Variants in COX14 observed in about 807,000 individuals in gnomAD.
COX14 encodes the protein cytochrome c oxidase assembly factor COX14, also known as cytochrome c oxidase assembly protein COX14.
A neutral mutation model predicts 5.8 loss-of-function variants in COX14; 3 were observed. The observed-to-expected ratio is 0.51, with a 90% CI of 0.23 to 1.33. The LOEUF (loss-of-function observed/expected upper bound fraction) is 1.33. Among genes scored for constraint, COX14 ranks in the 40% most tolerant of loss-of-function variants. The probability of loss-of-function intolerance (pLI) is 0.18; values close to 1 mark genes in which losing one functional copy is unlikely to be tolerated. For missense variants in COX14, 72 were observed against 72.1 expected, an observed-to-expected ratio of 1.00 and a Z score of 0.01; for synonymous variants, 25 against 26.1, an observed-to-expected ratio of 0.96 and a Z score of 0.13.
At chr12:50,112,404 A>C in intron 1 of COX14, 103 bp downstream of exon 1, 1 of 985,708 alleles carries the variant, frequency 1.0e-6, no homozygotes, top group Non-Finnish European at 1.2e-6. Context: ...CCTAGTCTGC[A>C]GGCCTGGTGC....
At chr12:50,112,392 C>T (rs1951033215) in intron 1 of COX14, 91 bp downstream of exon 1, 5 of 985,662 alleles carry the variant, frequency 5.1e-6, no homozygotes, top group South Asian at 9.4e-5. Flanking sequence ...GTCCTCCCAT[C>T]CCCTAGTCTG....
At chr12:50,113,365 G>A (rs1223185247) in intron 1 of COX14, among the ~76,000 whole-genome samples, 1 of 150,812 alleles carries the variant, frequency 6.6e-6, no homozygotes, top group African/African-American at 2.4e-5. Context: ...GTCCCGTGGC[G>A]GGATCTCGGC....
At chr12:50,117,397 C>T (rs560421361) in intron 1 of COX14, among the ~76,000 whole-genome samples, 3 of 152,088 alleles carry the variant, frequency 2.0e-5, no homozygotes, top group South Asian at 2.1e-4. Context: ...TTTTAAGTGT[C>T]TCTGCCTACA....
chr12:50,116,053 A>C (rs979643501), intron 1 of COX14, among the ~76,000 whole-genome samples: 1 of 149,548 alleles, frequency 6.7e-6, no homozygotes, highest in African/African-American at 2.5e-5. Flanking sequence ...TGTTCTTTCC[A>C]CTTCTACTGC....
chr12:50,117,585 T>G (rs1951091952), intron 1 of COX14, among the ~76,000 whole-genome samples: 1 of 150,058 alleles, frequency 6.7e-6, no homozygotes, highest in Non-Finnish European at 1.5e-5. Flanking sequence ...CTGTCTCTTT[T>G]TTTTTTTTTT....
chr12:50,112,936 A>ATGTTATGTTATGTT (rs1375972163), intron 1 of COX14: 1 of 151,684 alleles, frequency 6.6e-6, no homozygotes, highest in South Asian at 2.1e-4. Flanking sequence ...ATGTTATGTT[A>ATGTTATGTTATGTT]TGTTATGTTA....
At chr12:50,112,572 C>A in intron 1 of COX14, 2 of 676,896 alleles carry the variant, frequency 3.0e-6, no homozygotes, top group Non-Finnish European at 3.7e-6. Context: ...CTCCACGCTC[C>A]AACTCTGCCT....
chr12:50,116,518 A>G (rs536855751), intron 1 of COX14, among the ~76,000 whole-genome samples: 1 of 152,330 alleles, frequency 6.6e-6, no homozygotes, highest in Admixed American at 6.5e-5. Flanking sequence ...TTTCTAGCCA[A>G]GCTGTACCAT....
Position 50,120,262 on chromosome 12 carries a change from T to C in COX14, c.*45T>C, listed in dbSNP as rs762846506. On this transcript the variant is annotated 3_prime_UTR_variant, in exon 2 of 2. Coordinates refer to ENST00000550487, the MANE Select transcript of COX14 (RefSeq NM_032901.4). ...CTGAGCAGAGAGGCCCAAGGCATGC[T>C]GTGGAGAGACTTCACCTGCCACCAT... 6.5e-7 allele frequency: 1 copy of C among 1,536,698 alleles called. No individual in the cohort carries two copies. Among genetic ancestry groups the C allele is most frequent in the Non-Finnish European group, 8.9e-7 (1 of 1,123,750 alleles).
At chr12:50,115,857 C>A (rs1951076795) in intron 1 of COX14, among the ~76,000 whole-genome samples, 1 of 151,992 alleles carries the variant, frequency 6.6e-6, no homozygotes, top group Middle Eastern at 3.2e-3. Context: ...GCCACGTGAT[C>A]TTCTTGATGG....
intron 1 of COX14, among the ~76,000 whole-genome samples, chr12:50,116,420 G>A (rs1224571466): frequency 2.0e-5 from 3 of 152,206 alleles, no homozygotes; most frequent in Non-Finnish European, 4.4e-5. Flanking sequence ...TTGGATATTA[G>A]GGAAAACCAC....
chr12:50,117,011 A>AT (rs1342508530), intron 1 of COX14, among the ~76,000 whole-genome samples: 64 of 150,970 alleles, frequency 4.2e-4, no homozygotes, highest in African/African-American at 1.4e-3. Flanking sequence ...TTTACTTTCA[A>AT]TTTTTTTTTG....
At chr12:50,116,370 GGCGTGAGCCACT>G (rs1380085570) in intron 1 of COX14, among the ~76,000 whole-genome samples, 1 of 152,240 alleles carries the variant, frequency 6.6e-6, no homozygotes, top group Non-Finnish European at 1.5e-5. Context: ...TGGGATTATA[GGCGTGAGCCACT>G]GCGCCCGGCC....
intron 1 of COX14, among the ~76,000 whole-genome samples, chr12:50,114,241 G>T (rs1441839078): frequency 2.2e-5 from 3 of 138,428 alleles, no homozygotes; most frequent in Non-Finnish European, 3.1e-5. Flanking sequence ...AAAAAAAACA[G>T]GTGTTTCTGG....
chr12:50,120,086 T>C lies in COX14; in HGVS notation c.43T>C (p.Phe15Leu). The C allele has an allele frequency of 6.2e-7, 1 of 1,614,124 alleles. No individual in the cohort carries two copies. Among genetic ancestry groups the C allele is most frequent in the Non-Finnish European group, 8.5e-7 (1 of 1,179,962 alleles). The stretch of plus-strand genomic sequence containing the variant: ...GCTAGCTGACATTGGCTATAAGACC[T>C]TCTCTACCTCCATGATGCTTCTCAC... ...KQLADIGYKT[F>L]STSMMLLTVY... is the part of the protein sequence containing the mutation. Residue 15 changes from phenylalanine (F) to leucine (L), a missense_variant, in exon 2 of 2, where the codon TTC (phenylalanine) becomes CTC (leucine). Phe to Leu is a conservative substitution (Grantham distance 22). Transcript: ENST00000550487.
chr12:50,116,629 G>A (rs1030214530), intron 1 of COX14, among the ~76,000 whole-genome samples: 3 of 152,180 alleles, frequency 2.0e-5, no homozygotes, highest in Non-Finnish European at 4.4e-5. Context: ...TGATGAGTAG[G>A]AATAGCAATA....
At chr12:50,113,915 C>G (rs1168166558) in intron 1 of COX14, among the ~76,000 whole-genome samples, 1 of 151,812 alleles carries the variant, frequency 6.6e-6, no homozygotes, top group Non-Finnish European at 1.5e-5. Flanking sequence ...TTACAGGTGG[C>G]TCACGCCCAG....
chr12:50,119,115 T>C (rs1316910446), intron 1 of COX14, among the ~76,000 whole-genome samples: 2 of 152,208 alleles, frequency 1.3e-5, no homozygotes, highest in Admixed American at 1.3e-4. Context: ...GTTTAGAACG[T>C]AGAATTAATA....
At chr12:50,115,300 C>T (rs1281607963) in intron 1 of COX14, among the ~76,000 whole-genome samples, 14 of 150,186 alleles carry the variant, frequency 9.3e-5, no homozygotes, top group African/African-American at 3.2e-4. Context: ...CTGCGAGCTC[C>T]GCCTCCCGGG....
Sources: allele counts gnomAD v4.1 joint callset (sites outside exome capture counted in the v4.1 genomes callset), GRCh38; gene constraint gnomAD v4.1.1; transcripts MANE v1.5; gene names NCBI Gene and HGNC (gene_info 2026-07-23, HGNC 2026-07-21).